CDKAL1: variants seen among roughly 807,000 people sequenced by gnomAD.
CDKAL1 encodes threonylcarbamoyladenosine tRNA methylthiotransferase.
CDKAL1 carries 32 observed loss-of-function variants against 68.2 expected under a neutral mutation model. The observed-to-expected ratio is 0.47, with a 90% CI of 0.35 to 0.63. The LOEUF is 0.63. Among genes scored for constraint, CDKAL1 ranks in the 30% least tolerant of loss-of-function variants. CDKAL1 has a pLI of 0.00. For missense variants in CDKAL1, 606 were observed against 696.7 expected, an observed-to-expected ratio of 0.87 and a Z score of 1.47; for synonymous variants, 234 against 244.3, an observed-to-expected ratio of 0.96 and a Z score of 0.39.
At chr6:20,551,345 C>T (rs535928804) in intron 4 of CDKAL1, among the ~76,000 whole-genome samples, 1 of 151,772 alleles carries the variant, frequency 6.6e-6, no homozygotes, top group South Asian at 2.1e-4. Flanking sequence ...TTGTATCACC[C>T]TTTTTCCTTC....
intron 4 of CDKAL1, among the ~76,000 whole-genome samples, chr6:20,644,340 A>C (rs1245575358): frequency 6.6e-6 from 1 of 152,026 alleles, no homozygotes; most frequent in Non-Finnish European, 1.5e-5. Context: ...TGATAATATT[A>C]AATAAGATGT....
intron 9 of CDKAL1, among the ~76,000 whole-genome samples, chr6:20,938,440 C>G (rs1379306063): frequency 6.6e-6 from 1 of 152,128 alleles, no homozygotes; most frequent in Non-Finnish European, 1.5e-5. Context: ...CATCTTCTAA[C>G]TTGATCTTTT....
intron 13 of CDKAL1, among the ~76,000 whole-genome samples, chr6:21,147,198 T>C (rs951248859): frequency 2.6e-5 from 4 of 152,054 alleles, no homozygotes; most frequent in Non-Finnish European, 5.9e-5. Flanking sequence ...GTCATTTTTT[T>C]CCCCCAATGT....
intron 4 of CDKAL1, among the ~76,000 whole-genome samples, chr6:20,632,303 G>C (rs1767707299): frequency 6.6e-6 from 1 of 152,160 alleles, no homozygotes; most frequent in Admixed American, 6.5e-5. Flanking sequence ...GTGGTTCATT[G>C]CCCAGCATCT....
At chr6:20,799,736 T>C (rs770934073) in intron 8 of CDKAL1, 2 of 152,304 alleles carry the variant, frequency 1.3e-5, no homozygotes, top group Non-Finnish European at 2.9e-5. Flanking sequence ...AGAAAATCAT[T>C]TGGCTTACCA....
intron 6 of CDKAL1, 122 bp from the exon 7 acceptor site, chr6:20,758,473 A>G (rs2820000): frequency 0.45 from 312,412 of 699,120 alleles, 70,558 homozygotes; most frequent in South Asian, 0.49. Context: ...CTCCAAATAC[A>G]TTAAAGGAAA....
At chr6:20,985,183 G>T (rs931769840) in intron 10 of CDKAL1, among the ~76,000 whole-genome samples, 7 of 151,360 alleles carry the variant, frequency 4.6e-5, no homozygotes, top group Non-Finnish European at 7.4e-5. Flanking sequence ...GATCAAACAG[G>T]GTATTTAGCT....
At chr6:20,999,496 T>C (rs1240259127) in intron 10 of CDKAL1, among the ~76,000 whole-genome samples, 3 of 152,014 alleles carry the variant, frequency 2.0e-5, no homozygotes, top group Admixed American at 2.0e-4. Flanking sequence ...ATGTATTCTC[T>C]TTCGCTTGGC....
rs150822526 is a variant in CDKAL1, at chr6:21,225,057, A to G, written c.1549-5791A>G. ...CCTAGGTACCAGGTCCTGGGCATCT[A>G]TTGGAGAGAAAGGCCACCCCTGCTC... On this transcript the variant is annotated intron_variant, in intron 15 of 15. Coordinates refer to ENST00000274695, the MANE Select transcript of CDKAL1 (RefSeq NM_017774.3). Among the ~76,000 whole-genome samples, 595 of 152,196 alleles carry G rather than the reference A, an allele frequency of 3.9e-3. 2 individuals are homozygous for G. The highest frequency in any genetic ancestry group is 0.013 in the African/African-American group (556 of 41,528).
At chr6:20,915,299 C>T (rs1174055857) in intron 9 of CDKAL1, among the ~76,000 whole-genome samples, 2 of 151,992 alleles carry the variant, frequency 1.3e-5, no homozygotes, top group Non-Finnish European at 2.9e-5. Flanking sequence ...CAGTTGTTTA[C>T]ACACACACAC....
chr6:20,908,280 T>C (rs1053657330), intron 9 of CDKAL1, among the ~76,000 whole-genome samples: 1 of 152,240 alleles, frequency 6.6e-6, no homozygotes, highest in African/African-American at 2.4e-5. Flanking sequence ...ATGACAGTCT[T>C]GAATATGCAG....
At chr6:20,944,660 T>C (rs1177403321) in intron 9 of CDKAL1, among the ~76,000 whole-genome samples, 2 of 152,224 alleles carry the variant, frequency 1.3e-5, no homozygotes, top group Non-Finnish European at 2.9e-5. Flanking sequence ...TTTTAATTGT[T>C]TGTTATCATC....
chr6:20,940,854 G>C (rs959563305), intron 9 of CDKAL1, among the ~76,000 whole-genome samples: 1 of 152,156 alleles, frequency 6.6e-6, no homozygotes, highest in African/African-American at 2.4e-5. Flanking sequence ...ACTTTGAGAG[G>C]CCAAGGCGGG....
chr6:21,112,196 A>G (rs1336969297), intron 13 of CDKAL1, among the ~76,000 whole-genome samples: 2 of 152,232 alleles, frequency 1.3e-5, no homozygotes, highest in Non-Finnish European at 2.9e-5. Context: ...TTCTCTGCAC[A>G]TAAAAATGTT....
intron 4 of CDKAL1, among the ~76,000 whole-genome samples, chr6:20,617,231 A>G (rs1286417262): frequency 6.6e-6 from 1 of 152,008 alleles, no homozygotes; most frequent in Admixed American, 6.6e-5. Context: ...CTGCCTCTGT[A>G]TGCCATGGTA....
intron 9 of CDKAL1, among the ~76,000 whole-genome samples, chr6:20,906,162 A>G (rs1418658321): frequency 6.6e-6 from 1 of 152,202 alleles, no homozygotes; most frequent in Non-Finnish European, 1.5e-5. Flanking sequence ...TCTAAAAGCT[A>G]GTATTATTAT....
intron 11 of CDKAL1, among the ~76,000 whole-genome samples, chr6:21,024,940 C>T (rs1165936106): frequency 6.6e-6 from 1 of 152,198 alleles, no homozygotes; most frequent in Admixed American, 6.5e-5. Flanking sequence ...AACTGATGGA[C>T]CCCACATCTT....
chr6:21,040,815 C>A (rs2150894331), intron 11 of CDKAL1, among the ~76,000 whole-genome samples: 1 of 152,198 alleles, frequency 6.6e-6, no homozygotes, highest in East Asian at 1.9e-4. Flanking sequence ...AATGCATAGA[C>A]ATGCATTGTT....
At chr6:20,648,477 C>T (rs916386417) in intron 4 of CDKAL1, among the ~76,000 whole-genome samples, 1 of 152,070 alleles carries the variant, frequency 6.6e-6, no homozygotes, top group Non-Finnish European at 1.5e-5. Flanking sequence ...ATGTGCTTAC[C>T]AGTCCTCCCA....
Sources: gnomAD v4.1 joint callset for allele counts (sites outside exome capture counted in the v4.1 genomes callset) on GRCh38, gnomAD v4.1.1 for gene constraint, MANE v1.5 for transcripts, NCBI Gene and HGNC (gene_info 2026-07-23, HGNC 2026-07-21) for gene names.